The following EPHA6 variants were observed in gnomAD, a reference collection of about 807,000 sequenced individuals.
The protein encoded by EPHA6 is ephrin type-A receptor 6.
Under a neutral mutation model 112.0 loss-of-function variants are expected in EPHA6, and 50 were observed. The ratio of observed to expected loss-of-function variants is 0.45; its 90% CI spans 0.36 to 0.56. The LOEUF is 0.56. Ranked by LOEUF, EPHA6 falls within the 20% of genes least tolerant of loss-of-function variation. The pLI, the probability that EPHA6 is intolerant of heterozygous loss-of-function variation, is 0.00. For synonymous variants in EPHA6, 529 were observed against 490.7 expected (o/e 1.08, Z -1.03); for missense variants, 1,280 against 1,417.4 (o/e 0.90, Z 1.56).
intron 5 of EPHA6, among the ~76,000 whole-genome samples, chr3:97,264,624 C>T (rs778810695): frequency 6.6e-6 from 1 of 152,198 alleles, no homozygotes; most frequent in Non-Finnish European, 1.5e-5. Context: ...ATGTTTCAGC[C>T]CAGTTTGTGA....
At chr3:97,183,535 G>A (rs1355906181) in intron 3 of EPHA6, among the ~76,000 whole-genome samples, 5 of 152,028 alleles carry the variant, frequency 3.3e-5, no homozygotes, top group African/African-American at 7.2e-5. Flanking sequence ...TCTCATAAAA[G>A]TTATTCACAT....
chr3:97,121,160 T>C (rs1319319154), intron 3 of EPHA6, among the ~76,000 whole-genome samples: 1 of 152,052 alleles, frequency 6.6e-6, no homozygotes, highest in Admixed American at 6.6e-5. Context: ...ACTCATATTA[T>C]TTTAAGAAAG....
chr3:96,940,329 A>G (rs981377475), intron 2 of EPHA6, among the ~76,000 whole-genome samples: 3 of 152,070 alleles, frequency 2.0e-5, no homozygotes, highest in African/African-American at 7.2e-5. Flanking sequence ...CTCTTGTTGA[A>G]TTGATCCCTT....
chr3:96,842,048 A>T (rs770975375), intron 1 of EPHA6, among the ~76,000 whole-genome samples: 1 of 152,064 alleles, frequency 6.6e-6, no homozygotes, highest in Non-Finnish European at 1.5e-5. Context: ...CGAAGCCAGG[A>T]GAGGAAATAC....
intron 3 of EPHA6, among the ~76,000 whole-genome samples, chr3:97,042,789 A>T (rs998544376): frequency 9.9e-5 from 15 of 152,138 alleles, no homozygotes; most frequent in African/African-American, 3.6e-4. Context: ...ATATCAGAGC[A>T]AGAAGATCAG....
intron 1 of EPHA6, among the ~76,000 whole-genome samples, chr3:96,842,805 C>T (rs1331180411): frequency 1.3e-5 from 2 of 151,908 alleles, no homozygotes; most frequent in Admixed American, 1.3e-4. Context: ...TCATTTTGTC[C>T]AGATCAGAAT....
chr3:97,397,561 C>G (rs1334029777), intron 5 of EPHA6, among the ~76,000 whole-genome samples: 1 of 151,574 alleles, frequency 6.6e-6, no homozygotes, highest in Non-Finnish European at 1.5e-5. Flanking sequence ...TTCTCTCATC[C>G]TCTCCTTTAA....
chr3:97,253,973 C>T (rs1217421359), intron 5 of EPHA6, among the ~76,000 whole-genome samples: 1 of 151,864 alleles, frequency 6.6e-6, no homozygotes, highest in Admixed American at 6.6e-5. Flanking sequence ...ATAGGGATTG[C>T]ACATTTAGAA....
chr3:96,945,815 C>T (rs1227441962), intron 2 of EPHA6, among the ~76,000 whole-genome samples: 3 of 152,012 alleles, frequency 2.0e-5, no homozygotes, highest in Non-Finnish European at 2.9e-5. Flanking sequence ...TTGTTACAGT[C>T]GATGAGCCTA....
At chr3:97,432,349 A>G (rs549645198) in intron 6 of EPHA6, among the ~76,000 whole-genome samples, 1 of 152,310 alleles carries the variant, frequency 6.6e-6, no homozygotes, top group East Asian at 1.9e-4. Context: ...TCACAACAGC[A>G]TTGATAATCA....
rs1208071494 is a variant in EPHA6 at position 97,226,330 on chromosome 3, G to C, written c.1181G>C (p.Ser394Thr). Reference protein sequence around the residue: ...NTKCSKCPPHSLTYMEATSVC... With the variant: ...NTKCSKCPPHTLTYMEATSVC... ...AAATGTTCTAAATGTCCTCCACACA[G>C]TTTAACATACATGGAAGCAACTTCT... Residue 394 changes from serine (S) to threonine (T), a missense_variant, in exon 4 of 18, where the codon AGT becomes ACT. Physicochemically the swap from Ser to Thr is moderately conservative, Grantham distance 58. Around this residue, in one of 4 missense-constraint regions of EPHA6, gnomAD observed 878 missense variants for 999.7 expected, o/e 0.88. Transcript: ENST00000389672. The C allele has an allele frequency of 6.2e-7, 1 of 1,613,788 alleles. No individual in the cohort carries two copies. The highest frequency in any genetic ancestry group is 8.5e-7 in the Non-Finnish European group (1 of 1,179,772).
At chr3:97,251,642 A>T (rs935220987) in intron 5 of EPHA6, among the ~76,000 whole-genome samples, 1 of 152,242 alleles carries the variant, frequency 6.6e-6, no homozygotes, top group African/African-American at 2.4e-5. Context: ...AGATTGAAAA[A>T]CTAATTGCCG....
At position 96,987,710 on chromosome 3, in the gene EPHA6, A is replaced by T. The variant is rs1171116619; in HGVS notation, c.831A>T (p.Gly277=). ...IREVGPIERK[G]FYLAFQDIGA... ...AGGTGGGGCCTATAGAAAGGAAAGG[A>T]TTTTATCTGGCTTTTCAAGACATTG... Residue 277 remains glycine, a synonymous_variant, in exon 3 of 18, where the codon GGA becomes GGT. Coordinates refer to ENST00000389672, the MANE Select transcript of EPHA6 (RefSeq NM_001080448.3). 2 of 1,608,118 alleles carry T rather than the reference A, an allele frequency of 1.2e-6. No individual in the cohort carries two copies. The highest frequency in any genetic ancestry group is 4.5e-5 in the East Asian group (2 of 44,794).
At chr3:97,386,834 G>T (rs1343036839) in intron 5 of EPHA6, among the ~76,000 whole-genome samples, 1 of 152,204 alleles carries the variant, frequency 6.6e-6, no homozygotes, top group Non-Finnish European at 1.5e-5. Context: ...TGGACATCCA[G>T]GTGTTTCCAT....
intron 5 of EPHA6, among the ~76,000 whole-genome samples, chr3:97,328,820 A>G (rs2082618612): frequency 6.6e-6 from 1 of 151,746 alleles, no homozygotes; most frequent in Admixed American, 6.6e-5. Context: ...TCTTTTTATT[A>G]TTATTATTAT....
chr3:97,542,384 G>T (rs2092872861), intron 11 of EPHA6, among the ~76,000 whole-genome samples: 1 of 152,000 alleles, frequency 6.6e-6, no homozygotes, highest in Non-Finnish European at 1.5e-5. Context: ...TGAGAATGAT[G>T]GTTTCCAGTT....
chr3:96,889,931 A>AT (rs1267116808), intron 2 of EPHA6, among the ~76,000 whole-genome samples: 3 of 152,074 alleles, frequency 2.0e-5, no homozygotes, highest in African/African-American at 7.2e-5. Flanking sequence ...TGAGAAAAAC[A>AT]TTTTTCAATA....
intron 5 of EPHA6, among the ~76,000 whole-genome samples, chr3:97,392,485 C>T (rs965490989): frequency 6.6e-6 from 1 of 150,966 alleles, no homozygotes; most frequent in Admixed American, 6.6e-5. Context: ...GGGGGTATTG[C>T]TATTTACAAA....
intron 3 of EPHA6, among the ~76,000 whole-genome samples, chr3:97,133,921 T>C (rs1054406496): frequency 3.3e-5 from 5 of 152,028 alleles, no homozygotes; most frequent in African/African-American, 1.2e-4. Context: ...GCATAGTAGA[T>C]TAATGATATG....
Sources: allele counts gnomAD v4.1 joint callset (sites outside exome capture counted in the v4.1 genomes callset), GRCh38; gene constraint gnomAD v4.1.1; regional missense constraint gnomAD v4.1.1; transcripts MANE v1.5; gene names NCBI Gene and HGNC (gene_info 2026-07-23, HGNC 2026-07-21).